Variants in PALS2 observed in about 807,000 individuals in gnomAD.
The protein encoded by PALS2 is protein associated with LIN7 2, MAGUK p55 family member, also known as protein PALS2.
Under a neutral mutation model 61.6 loss-of-function variants are expected in PALS2, and 27 were observed. The ratio of observed to expected loss-of-function variants is 0.44; its 90% confidence interval spans 0.32 to 0.60. The LOEUF (loss-of-function observed/expected upper bound fraction) is 0.60. Among genes scored for constraint, PALS2 ranks in the 20% least tolerant of loss-of-function variants. The pLI is 0.05. For missense variants in PALS2, 554 were observed against 639.4 expected (o/e 0.87, Z 1.44); for synonymous variants, 236 against 218.6 (o/e 1.08, Z -0.70).
chr7:24,665,688 G>A lies in PALS2; in HGVS notation c.883+1G>A. The stretch of plus-strand genomic sequence containing the variant: ...GTTAGAAGAGACTGGGACAATTCAG[G>A]TGATGAGCTCGACACAATAAGTAAC... On this transcript the variant is annotated splice_donor_variant, in intron 7 of 11. Transcript: ENST00000222644. LOFTEE classifies it high-confidence loss of function. The A allele has an allele frequency of 6.2e-7, 1 of 1,612,092 alleles. No individual in the cohort carries two copies. Among genetic ancestry groups the A allele is most frequent in the Non-Finnish European group, 8.5e-7 (1 of 1,178,298 alleles).
At chr7:24,677,910 G>A (rs1223806629) in intron 9 of PALS2, among the ~76,000 whole-genome samples, 1 of 152,152 alleles carries the variant, frequency 6.6e-6, no homozygotes, top group African/African-American at 2.4e-5. Context: ...TTGAGCATGA[G>A]TTTGAAGTTC....
At chr7:24,650,823 A>ATT in intron 5 of PALS2, 111 bp downstream of exon 5, 1 of 779,562 alleles carries the variant, frequency 1.3e-6, no homozygotes, top group Non-Finnish European at 2.0e-6. Context: ...GAAAAAATTG[A>ATT]TTTGAGTGTT....
rs1280522576 is a variant in PALS2, at chr7:24,693,505, T to C, written c.*5891T>C. 6.6e-6 allele frequency: 1 copy of C among 152,168 alleles called. No individual in the cohort carries two copies. Among genetic ancestry groups the C allele is most frequent in the Non-Finnish European group, 1.5e-5 (1 of 68,006 alleles). 9.4% of individuals were successfully genotyped at this position (152,168 alleles called of 1,614,324 possible). ...GTTAAAATGTGTGGTTTTCATCTTA[T>C]TCTTAAATAGGAGAGGTGGACAGTA... On this transcript the variant is annotated 3_prime_UTR_variant, in exon 12 of 12. Transcript: ENST00000222644.
intron 11 of PALS2, among the ~76,000 whole-genome samples, chr7:24,683,695 A>C (rs1209340707): frequency 6.6e-6 from 1 of 152,162 alleles, no homozygotes; most frequent in African/African-American, 2.4e-5. Context: ...TAATACTAAC[A>C]GTGCCCATTG....
intron 8 of PALS2, 25 bp downstream of exon 8, chr7:24,666,114 A>C: frequency 6.4e-7 from 1 of 1,571,024 alleles, no homozygotes; most frequent in Non-Finnish European, 8.7e-7. Context: ...CTTTTTGAGA[A>C]GTCCAAGTGA....
At chr7:24,623,857 C>T (rs1784624376) in intron 2 of PALS2, 73 bp downstream of exon 2, 1 of 1,196,242 alleles carries the variant, frequency 8.4e-7, no homozygotes, top group South Asian at 1.5e-5. Flanking sequence ...TCAGATATTA[C>T]TATTTTAGAA....
At chr7:24,681,578 G>A (rs1202579671) in intron 11 of PALS2, among the ~76,000 whole-genome samples, 1 of 142,460 alleles carries the variant, frequency 7.0e-6, no homozygotes, top group Non-Finnish European at 1.5e-5. Flanking sequence ...ATTCAAACAA[G>A]ATCAACACAT....
At chr7:24,670,669 G>A (rs746880649) in intron 9 of PALS2, among the ~76,000 whole-genome samples, 45 of 152,088 alleles carry the variant, frequency 3.0e-4, no homozygotes, top group Non-Finnish European at 5.7e-4. Flanking sequence ...CTTCATCATC[G>A]CCAAAAGAAT....
intron 1 of PALS2, among the ~76,000 whole-genome samples, chr7:24,599,838 T>C (rs997702580): frequency 2.6e-5 from 4 of 152,046 alleles, no homozygotes; most frequent in Admixed American, 6.6e-5. Flanking sequence ...TTTTTTAACC[T>C]TTTAATCTTT....
intron 5 of PALS2, among the ~76,000 whole-genome samples, chr7:24,659,653 T>C (rs1562647998): frequency 1.3e-5 from 2 of 152,192 alleles, no homozygotes; most frequent in Non-Finnish European, 2.9e-5. Flanking sequence ...CCACCTCCTG[T>C]GAATTACGAA....
intron 2 of PALS2, among the ~76,000 whole-genome samples, chr7:24,639,459 GA>G (rs1303914467): frequency 1.3e-5 from 2 of 149,708 alleles, no homozygotes; most frequent in Non-Finnish European, 3.0e-5. Flanking sequence ...ATCCAACGCA[GA>G]AAAAAAAGCC....
At chr7:24,592,383 G>T (rs1026604192) in intron 1 of PALS2, among the ~76,000 whole-genome samples, 1 of 152,058 alleles carries the variant, frequency 6.6e-6, no homozygotes, top group African/African-American at 2.4e-5. Context: ...GAATAAAAGG[G>T]CCCCTGTAAG....
At chr7:24,674,158 C>T (rs1787444667) in intron 9 of PALS2, among the ~76,000 whole-genome samples, 1 of 152,172 alleles carries the variant, frequency 6.6e-6, no homozygotes, top group Admixed American at 6.5e-5. Context: ...GCTGTTCCAA[C>T]CCTTCTTCCC....
chr7:24,577,187 T>C (rs181721990), intron 1 of PALS2, among the ~76,000 whole-genome samples: 4 of 152,204 alleles, frequency 2.6e-5, no homozygotes, highest in Admixed American at 2.0e-4. Context: ...AATTAGTTTC[T>C]ATTTTTCCTT....
intron 11 of PALS2, among the ~76,000 whole-genome samples, chr7:24,683,844 G>A (rs1159165086): frequency 6.6e-6 from 1 of 152,066 alleles, no homozygotes; most frequent in Non-Finnish European, 1.5e-5. Flanking sequence ...AAGATTACAG[G>A]ATTTTTATTT....
chr7:24,582,984 T>C (rs1468287435), intron 1 of PALS2, among the ~76,000 whole-genome samples: 2 of 136,614 alleles, frequency 1.5e-5, no homozygotes, highest in Non-Finnish European at 3.1e-5. Flanking sequence ...AACCTCTGCC[T>C]CCCGGATTCA....
chr7:24,633,928 G>A (rs1327601008), intron 2 of PALS2, among the ~76,000 whole-genome samples: 2 of 152,170 alleles, frequency 1.3e-5, no homozygotes, highest in African/African-American at 4.8e-5. Context: ...TAGTGGGTGT[G>A]AAGTGGTATT....
In PALS2 at chr7:24,592,127, A is replaced by G. The variant is rs936721012; in HGVS notation, c.-3+18534A>G. Among the ~76,000 whole-genome samples, 7 of 152,160 alleles carry G rather than the reference A, an allele frequency of 4.6e-5. No individual in the cohort carries two copies. In the East Asian group the frequency reaches 1.2e-3, roughly 25 times the overall value. Reference sequence around the variant, plus strand: ...TGACTCAAATTTTTCACCACTCTGCATATCCACTAATGACCACAAAAGCTC... The same window carrying G: ...TGACTCAAATTTTTCACCACTCTGCGTATCCACTAATGACCACAAAAGCTC... On this transcript the variant is annotated intron_variant, in intron 1 of 11. Transcript: ENST00000222644.
intron 1 of PALS2, among the ~76,000 whole-genome samples, chr7:24,584,637 A>C (rs375402543): frequency 0.048 from 7,225 of 149,040 alleles, 200 homozygotes; most frequent in African/African-American, 0.086. Context: ...ATGGTAGTTT[A>C]TTTTGCTGTG....
Sources: allele counts gnomAD v4.1 joint callset (sites outside exome capture counted in the v4.1 genomes callset), GRCh38; gene constraint gnomAD v4.1.1; transcripts MANE v1.5; gene names NCBI Gene and HGNC (gene_info 2026-07-23, HGNC 2026-07-21).